Variants in PTPRD observed in about 807,000 individuals in gnomAD.
The protein encoded by PTPRD is receptor-type tyrosine-protein phosphatase delta.
A neutral mutation model predicts 214.5 loss-of-function variants in PTPRD; 34 were observed. The ratio of observed to expected loss-of-function variants is 0.16; its 90% CI spans 0.12 to 0.21. The LOEUF is 0.21. Ranked by LOEUF, PTPRD falls within the 10% of genes least tolerant of loss-of-function variation. PTPRD has a pLI of 1.00. For synonymous variants in PTPRD, 1,128 were observed against 845.7 expected (o/e 1.33, Z -5.79); for missense variants, 2,545 against 2,398.7 (o/e 1.06, Z -1.27).
intron 7 of PTPRD, among the ~76,000 whole-genome samples, chr9:9,721,941 T>C (rs2097957039): frequency 6.6e-6 from 1 of 152,086 alleles, no homozygotes; most frequent in African/African-American, 2.4e-5. Context: ...AAGGCTTTTG[T>C]ACATATGATT....
intron 4 of PTPRD, among the ~76,000 whole-genome samples, chr9:9,955,971 G>A (rs980494493): frequency 1.3e-5 from 2 of 152,044 alleles, no homozygotes; most frequent in African/African-American, 2.4e-5. Flanking sequence ...AGGAGTGGTG[G>A]GGGGGATCTA....
chr9:10,040,996 A>C (rs951847963), intron 3 of PTPRD, among the ~76,000 whole-genome samples: 1 of 152,002 alleles, frequency 6.6e-6, no homozygotes. Flanking sequence ...AGAGTGATAC[A>C]TTTTTAAATG....
At chr9:9,041,718 G>C (rs1365561064) in intron 10 of PTPRD, among the ~76,000 whole-genome samples, 3 of 152,246 alleles carry the variant, frequency 2.0e-5, no homozygotes, top group African/African-American at 7.2e-5. Flanking sequence ...GCACTGGAAG[G>C]CATCTCTAAA....
At chr9:8,633,136 T>C (rs1164822713) in intron 14 of PTPRD, among the ~76,000 whole-genome samples, 181 bp downstream of exon 14, 4 of 152,026 alleles carry the variant, frequency 2.6e-5, no homozygotes, top group African/African-American at 9.7e-5. Flanking sequence ...TGAACTCTAG[T>C]TCTGTAAAGA....
chr9:10,239,661 T>A (rs1366738036), intron 3 of PTPRD, among the ~76,000 whole-genome samples: 1 of 151,662 alleles, frequency 6.6e-6, no homozygotes, highest in Non-Finnish European at 1.5e-5. Flanking sequence ...GCTGAGAGCT[T>A]AGTGGTGTGA....
intron 2 of PTPRD, among the ~76,000 whole-genome samples, chr9:10,570,481 A>G (rs987940938): frequency 6.6e-6 from 1 of 152,216 alleles, no homozygotes; most frequent in Non-Finnish European, 1.5e-5. Flanking sequence ...TGATGAACAC[A>G]TATAGTATGA....
chr9:10,513,418 T>A (rs2048956715), intron 2 of PTPRD, among the ~76,000 whole-genome samples: 1 of 152,074 alleles, frequency 6.6e-6, no homozygotes, highest in Non-Finnish European at 1.5e-5. Flanking sequence ...GAATGGAATT[T>A]CAAAAATACA....
intron 23 of PTPRD, among the ~76,000 whole-genome samples, chr9:8,503,515 C>A (rs1563895739): frequency 6.6e-6 from 1 of 152,192 alleles, no homozygotes; most frequent in African/African-American, 2.4e-5. Context: ...ACCAAACTTT[C>A]CACCAAAAAC....
At position 9,449,886 on chromosome 9, in the gene PTPRD, CCCACCCTT is replaced by C. The variant is rs2091627879; in HGVS notation, c.-236-52412_-236-52405del. Among the ~76,000 whole-genome samples the C allele has an allele frequency of 3.9e-5, 6 of 151,970 alleles. No homozygotes were observed. In the South Asian group the frequency reaches 1.2e-3, roughly 32 times the overall value. On this transcript the variant is annotated intron_variant, in intron 8 of 45. Transcript: ENST00000381196. ...TGTGGTCTTTTATCCCTCACTCCAACCCACCCTTCCTCCCAAGTCCCCAAAGTCCGTCA... is the reference window on the plus strand; with the variant it reads ...TGTGGTCTTTTATCCCTCACTCCAACCCTCCCAAGTCCCCAAAGTCCGTCA...
chr9:9,929,944 C>T (rs910539791), intron 5 of PTPRD, among the ~76,000 whole-genome samples: 1 of 152,032 alleles, frequency 6.6e-6, no homozygotes, highest in African/African-American at 2.4e-5. Context: ...ATGAGGACAC[C>T]AGAGATAATG....
chr9:8,660,314 G>C (rs1350222757), intron 12 of PTPRD, among the ~76,000 whole-genome samples: 1 of 151,860 alleles, frequency 6.6e-6, no homozygotes, highest in African/African-American at 2.4e-5. Flanking sequence ...AAAGGTTATA[G>C]GACTTGCATG....
chr9:9,903,665 T>A (rs1465718510), intron 5 of PTPRD, among the ~76,000 whole-genome samples: 2 of 152,106 alleles, frequency 1.3e-5, no homozygotes, highest in Non-Finnish European at 2.9e-5. Flanking sequence ...ATATGATTGA[T>A]CTCTGTGGAC....
chr9:8,920,612 T>C (rs2098820812), intron 11 of PTPRD, among the ~76,000 whole-genome samples: 1 of 152,058 alleles, frequency 6.6e-6, no homozygotes, highest in South Asian at 2.1e-4. Context: ...AAAAATCTCA[T>C]AATGTTTTAA....
chr9:8,805,163 C>T (rs1409175143), intron 11 of PTPRD, among the ~76,000 whole-genome samples: 1 of 152,156 alleles, frequency 6.6e-6, no homozygotes, highest in Non-Finnish European at 1.5e-5. Context: ...ACCAAGATCA[C>T]CTTCCTTTTG....
At chr9:8,996,193 C>G (rs1010498643) in intron 11 of PTPRD, among the ~76,000 whole-genome samples, 2 of 152,056 alleles carry the variant, frequency 1.3e-5, no homozygotes, top group Admixed American at 1.3e-4. Context: ...AATTCATAAT[C>G]ACTCCAAACT....
intron 7 of PTPRD, among the ~76,000 whole-genome samples, chr9:9,635,928 T>C (rs1400972245): frequency 2.6e-5 from 4 of 152,264 alleles, no homozygotes; most frequent in African/African-American, 9.6e-5. Flanking sequence ...TTAAGTCCCA[T>C]TCACAGCAGA....
intron 7 of PTPRD, among the ~76,000 whole-genome samples, chr9:9,676,223 C>G (rs1300942561): frequency 6.6e-6 from 1 of 151,648 alleles, no homozygotes; most frequent in Non-Finnish European, 1.5e-5. Flanking sequence ...TGTGCCGCAC[C>G]CAGTAACTCG....
intron 3 of PTPRD, among the ~76,000 whole-genome samples, chr9:10,104,417 A>G (rs1023853795): frequency 6.6e-6 from 1 of 151,784 alleles, no homozygotes; most frequent in African/African-American, 2.4e-5. Flanking sequence ...ATACACGAAC[A>G]CACATATGCA....
chr9:9,294,304 C>T (rs1412885), intron 9 of PTPRD, among the ~76,000 whole-genome samples: 20,238 of 151,686 alleles, frequency 0.13, 1,651 homozygotes, highest in Middle Eastern at 0.2. Context: ...GAGTACTGTA[C>T]ACTAACCTGT....
Sources: allele counts gnomAD v4.1 joint callset (sites outside exome capture counted in the v4.1 genomes callset), GRCh38; gene constraint gnomAD v4.1.1; transcripts MANE v1.5; gene names NCBI Gene and HGNC (gene_info 2026-07-23, HGNC 2026-07-21).